Variants in DPM1 observed in about 807,000 individuals in gnomAD.
The protein encoded by DPM1 is dolichyl-phosphate mannosyltransferase subunit 1, catalytic.
Under a neutral mutation model 39.0 loss-of-function variants are expected in DPM1, and 27 were observed. The ratio of observed to expected loss-of-function variants is 0.69; its 90% CI spans 0.51 to 0.95. The LOEUF is 0.95. Among genes scored for constraint, DPM1 ranks in the 40% least tolerant of loss-of-function variants. The probability of loss-of-function intolerance (pLI) is 0.00; values close to 1 mark genes in which losing one functional copy is unlikely to be tolerated. For missense variants in DPM1, 307 were observed against 315.6 expected, an observed-to-expected ratio of 0.97 and a Z score of 0.21; for synonymous variants, 124 against 109.0, an observed-to-expected ratio of 1.14 and a Z score of -0.86.
At chr20:50,940,842 AG>A (rs1985666487) in intron 7 of DPM1, 22 bp downstream of exon 7, 1 of 1,560,840 alleles carries the variant, frequency 6.4e-7, no homozygotes, top group African/African-American at 1.4e-5. Context: ...GTTATATAAA[AG>A]TAGTGGAAAT....
intron 2 of DPM1, 150 bp from the exon 3 acceptor site, chr20:50,948,812 C>CA: frequency 1.4e-6 from 1 of 698,950 alleles, no homozygotes; most frequent in Non-Finnish European, 2.3e-6. Flanking sequence ...ATTTTTTTGC[C>CA]AAAAGAAAAA....
rs1490340452 is a variant in DPM1 at position 50,940,905 on chromosome 20, A to G, written c.523T>C (p.Leu175=). 1.2e-6 allele frequency: 2 copies of G among 1,614,096 alleles called. No homozygotes were observed. The highest frequency in any genetic ancestry group is 1.7e-6 in the Non-Finnish European group (2 of 1,180,004). ...SRGANFLTQI[L]LRPGASDLTG... Reference sequence around the variant, plus strand: ...AAATCAGATGCTCCTGGTCTCAGCAAGATCTGAGTTAAAAAATTGGCCCCA... The same window carrying G: ...AAATCAGATGCTCCTGGTCTCAGCAGGATCTGAGTTAAAAAATTGGCCCCA... The change falls in exon 7 of 9, where the codon TTG becomes CTG. Residue 175 remains leucine (L), a synonymous_variant. Transcript: ENST00000371588.
chr20:50,941,088 A>G (rs1422750779), intron 6 of DPM1, 155 bp from the exon 7 acceptor site: 2 of 863,894 alleles, frequency 2.3e-6, no homozygotes, highest in Non-Finnish European at 3.6e-6. Context: ...AGAAATTTTT[A>G]GTCAATGAAA....
intron 5 of DPM1, among the ~76,000 whole-genome samples, chr20:50,945,500 C>T (rs1043604185): frequency 3.3e-5 from 5 of 152,070 alleles, no homozygotes; most frequent in African/African-American, 1.2e-4. Flanking sequence ...GCCATTGTGT[C>T]TGGCTAATTT....
chr20:50,951,210 A>G (rs1051575548), intron 2 of DPM1, among the ~76,000 whole-genome samples: 19 of 152,356 alleles, frequency 1.2e-4, no homozygotes, highest in Admixed American at 3.9e-4. Flanking sequence ...AAAACCATGG[A>G]CAAGGAGACT....
At chr20:50,943,504 C>T (rs1012990402) in intron 5 of DPM1, among the ~76,000 whole-genome samples, 2 of 150,730 alleles carry the variant, frequency 1.3e-5, no homozygotes. Flanking sequence ...GGACTACAGG[C>T]GAGTGCCATC....
intron 7 of DPM1, among the ~76,000 whole-genome samples, chr20:50,937,313 G>A (rs1043073701): frequency 1.3e-5 from 2 of 152,144 alleles, no homozygotes; most frequent in African/African-American, 4.8e-5. Flanking sequence ...TGACAGCTTA[G>A]TGTGTGCAAT....
At chr20:50,940,098 G>A (rs1025537819) in intron 7 of DPM1, among the ~76,000 whole-genome samples, 2 of 148,446 alleles carry the variant, frequency 1.3e-5, no homozygotes, top group Non-Finnish European at 2.9e-5. Context: ...GTGTGTGTGT[G>A]TGTGTGTGTG....
At chr20:50,940,096 GTGT>G (rs1985592951) in intron 7 of DPM1, among the ~76,000 whole-genome samples, 1 of 146,818 alleles carries the variant, frequency 6.8e-6, no homozygotes, top group African/African-American at 2.7e-5. Context: ...TTGTGTGTGT[GTGT>G]GTGTGTGTGT....
intron 2 of DPM1, 57 bp downstream of exon 2, chr20:50,955,129 C>T (rs1324219068): frequency 8.0e-7 from 1 of 1,257,684 alleles, no homozygotes; most frequent in African/African-American, 1.5e-5. Context: ...GTTCATGTCT[C>T]ATCTTTCCCC....
intron 2 of DPM1, 30 bp from the exon 3 acceptor site, chr20:50,948,692 A>G (rs752397824): frequency 6.3e-7 from 1 of 1,596,700 alleles, no homozygotes; most frequent in East Asian, 2.2e-5. Context: ...CATTTTACAC[A>G]CAGAAACAGA....
intron 8 of DPM1, 58 bp from the exon 9 acceptor site, chr20:50,935,294 G>C: frequency 9.8e-7 from 1 of 1,020,430 alleles, no homozygotes; most frequent in Middle Eastern, 2.3e-4. Flanking sequence ...CAGCTTAGCC[G>C]GTATACCACA....
chr20:50,935,030 C>A lies in DPM1; in HGVS notation c.*102G>T. On this transcript the variant is annotated 3_prime_UTR_variant, in exon 9 of 9. Transcript: ENST00000371588. ...AAAAGATGCATGAAATTTACCTTAC[C>A]TTATATTTTATACTTTAAGAGTACA... 5.7e-6 allele frequency: 4 copies of A among 696,146 alleles called. No individual in the cohort carries two copies. The highest frequency in any genetic ancestry group is 1.7e-5 in the South Asian group (1 of 58,644). The allele number at this position is 696,146 out of a possible 1,614,324, so 43.1% of individuals were successfully genotyped here.
At chr20:50,957,628 T>C (rs555280478) in intron 1 of DPM1, among the ~76,000 whole-genome samples, 130 of 152,332 alleles carry the variant, frequency 8.5e-4, no homozygotes, top group Admixed American at 2.2e-3. Context: ...AACACAGCCA[T>C]ATGGAATGTT....
chr20:50,951,468 T>C (rs1337343434), intron 2 of DPM1, among the ~76,000 whole-genome samples: 2 of 152,228 alleles, frequency 1.3e-5, no homozygotes, highest in South Asian at 2.1e-4. Flanking sequence ...GGGTCTCCCC[T>C]GTGCAAGGGA....
At chr20:50,942,432 G>A (rs1314216853) in intron 5 of DPM1, among the ~76,000 whole-genome samples, 2 of 151,648 alleles carry the variant, frequency 1.3e-5, no homozygotes, top group Non-Finnish European at 2.9e-5. Context: ...TTGAACCCAG[G>A]AGGCAGGTTG....
At chr20:50,939,186 CTG>C (rs1450100559) in intron 7 of DPM1, among the ~76,000 whole-genome samples, 3 of 152,062 alleles carry the variant, frequency 2.0e-5, no homozygotes, top group Non-Finnish European at 2.9e-5. Context: ...CCTCTCCCTG[CTG>C]TGTTTTTCTT....
At chr20:50,955,956 A>T (rs183697226) in intron 1 of DPM1, among the ~76,000 whole-genome samples, 1 of 152,350 alleles carries the variant, frequency 6.6e-6, no homozygotes, top group Non-Finnish European at 1.5e-5. Context: ...TTTACATGGT[A>T]ACTCAAACCA....
chr20:50,942,334 C>A (rs1392250868), intron 5 of DPM1, among the ~76,000 whole-genome samples: 2 of 152,000 alleles, frequency 1.3e-5, no homozygotes, highest in African/African-American at 4.8e-5. Context: ...GGTGGAACCC[C>A]ATCTCTACTA....
Sources: gnomAD v4.1 joint callset for allele counts (sites outside exome capture counted in the v4.1 genomes callset) on GRCh38, gnomAD v4.1.1 for gene constraint, MANE v1.5 for transcripts, NCBI Gene and HGNC (gene_info 2026-07-23, HGNC 2026-07-21) for gene names.